PPM1L: variants seen among roughly 807,000 people sequenced by gnomAD.
The protein encoded by PPM1L is protein phosphatase, Mg2+/Mn2+ dependent 1L, also known as protein phosphatase 1L.
A neutral mutation model predicts 31.4 loss-of-function variants in PPM1L; 13 were observed. That is an observed-to-expected ratio of 0.41 (90% CI 0.27 to 0.66). The LOEUF (loss-of-function observed/expected upper bound fraction) is 0.66. PPM1L is among the 30% of genes least tolerant of loss of function. The probability of loss-of-function intolerance (pLI) is 0.29; values close to 1 mark genes in which losing one functional copy is unlikely to be tolerated. For missense variants in PPM1L, 326 were observed against 453.7 expected, an observed-to-expected ratio of 0.72 and a Z score of 2.56; for synonymous variants, 184 against 175.4, an observed-to-expected ratio of 1.05 and a Z score of -0.39.
At chr3:160,938,398 A>G (rs1240983649) in intron 1 of PPM1L, among the ~76,000 whole-genome samples, 1 of 152,196 alleles carries the variant, frequency 6.6e-6, no homozygotes, top group African/African-American at 2.4e-5. Flanking sequence ...CTTTAGGTTT[A>G]TGGAGTTTAA....
At chr3:160,786,103 T>G (rs1711908597) in intron 1 of PPM1L, among the ~76,000 whole-genome samples, 1 of 146,184 alleles carries the variant, frequency 6.8e-6, no homozygotes, top group Non-Finnish European at 1.5e-5. Flanking sequence ...TTTTTGCAAG[T>G]TGGATAAAGA....
At chr3:160,886,281 A>C (rs1712913802) in intron 1 of PPM1L, among the ~76,000 whole-genome samples, 1 of 152,192 alleles carries the variant, frequency 6.6e-6, no homozygotes, top group Non-Finnish European at 1.5e-5. Context: ...TCTTCCTGGC[A>C]GTTCTGAGGA....
intron 2 of PPM1L, among the ~76,000 whole-genome samples, chr3:160,991,890 A>G (rs553779164): frequency 6.6e-6 from 1 of 152,346 alleles, no homozygotes; most frequent in African/African-American, 2.4e-5. Context: ...AGGTAACATA[A>G]TAATAACTAA....
intron 1 of PPM1L, among the ~76,000 whole-genome samples, chr3:160,763,465 A>G (rs1715021701): frequency 6.6e-6 from 1 of 152,248 alleles, no homozygotes; most frequent in African/African-American, 2.4e-5. Flanking sequence ...AAGGTACTTG[A>G]ACCATTATGG....
Position 160,756,752 on chromosome 3 carries a change from CGTGT to C in PPM1L, c.399+80_399+83del, listed in dbSNP as rs113273287. On this transcript the variant is annotated intron_variant, in intron 1 of 3. Coordinates refer to ENST00000498165, the MANE Select transcript of PPM1L (RefSeq NM_139245.4). The surrounding 1 kb of genome is among the most constrained non-coding windows in gnomAD (Gnocchi z 6.2). ...TTTGTATTTGTGTCCGTGTATGTCT[CGTGT>C]GTGTGTGTGTGTGTGTGTGTGTGTG... 0.049 allele frequency: 49,134 copies of C among 1,010,588 alleles called. 432 individuals carry two copies. The highest frequency in any genetic ancestry group is 0.069 in the African/African-American group (3,832 of 55,440). The allele number at this position is 1,010,588 out of a possible 1,614,324, so 62.6% of individuals were successfully genotyped here. A position where few individuals can be genotyped will look rare whatever the true frequency, so the allele number is the denominator to read the frequency against.
intron 2 of PPM1L, among the ~76,000 whole-genome samples, chr3:161,057,271 C>A (rs369728596): frequency 6.6e-6 from 1 of 152,076 alleles, no homozygotes; most frequent in Non-Finnish European, 1.5e-5. Flanking sequence ...TTCCCTCCTC[C>A]GCCTCACCTA....
intron 1 of PPM1L, among the ~76,000 whole-genome samples, chr3:160,859,525 C>T (rs1711823782): frequency 6.6e-6 from 1 of 152,120 alleles, no homozygotes; most frequent in South Asian, 2.1e-4. Context: ...AGTAATTGTT[C>T]TACATTTTGA....
chr3:161,066,142 C>T (rs562669499), intron 3 of PPM1L, among the ~76,000 whole-genome samples: 20 of 152,324 alleles, frequency 1.3e-4, no homozygotes, highest in East Asian at 9.7e-4. Flanking sequence ...CCTGTCACCT[C>T]TTTGAAGACA....
At chr3:160,881,611 G>A (rs184679428) in intron 1 of PPM1L, among the ~76,000 whole-genome samples, 34 of 152,124 alleles carry the variant, frequency 2.2e-4, no homozygotes, top group Non-Finnish European at 3.5e-4. Context: ...CAGAATTTCC[G>A]TCTGCTTTTG....
chr3:161,069,386 C>A lies in PPM1L; in HGVS notation c.*229C>A. On this transcript the variant is annotated 3_prime_UTR_variant, in exon 4 of 4. Transcript: ENST00000498165. ...CTTCATGTTTTCCCAACTCTTTCAT[C>A]CAGTGTCCAAAATATATAAGTAAAT... is the stretch of plus-strand genomic sequence containing the variant. 1 of 547,368 alleles carries A rather than the reference C, an allele frequency of 1.8e-6. No homozygotes were observed. Among genetic ancestry groups the A allele is most frequent in the South Asian group, 2.3e-5 (1 of 42,578 alleles). The allele number at this position is 547,368 out of a possible 1,614,324, so 33.9% of individuals were successfully genotyped here. A position where few individuals can be genotyped will look rare whatever the true frequency, so the allele number is the denominator to read the frequency against.
chr3:160,789,619 A>G (rs962465079), intron 1 of PPM1L, among the ~76,000 whole-genome samples: 1 of 152,062 alleles, frequency 6.6e-6, no homozygotes, highest in East Asian at 1.9e-4. Context: ...TTAAGGAACT[A>G]TATGTACTTT....
At chr3:161,043,224 G>T (rs924610688) in intron 2 of PPM1L, among the ~76,000 whole-genome samples, 3 of 151,980 alleles carry the variant, frequency 2.0e-5, no homozygotes, top group Non-Finnish European at 4.4e-5. Flanking sequence ...GGTCCTGGGA[G>T]GAGGGTTTAG....
At chr3:160,788,206 G>A (rs545982736) in intron 1 of PPM1L, among the ~76,000 whole-genome samples, 18 of 152,226 alleles carry the variant, frequency 1.2e-4, no homozygotes, top group African/African-American at 4.1e-4. Context: ...GCTTTGGGCA[G>A]TATGACCATT....
intron 1 of PPM1L, among the ~76,000 whole-genome samples, chr3:160,871,670 G>T (rs1299075331): frequency 6.6e-6 from 1 of 152,178 alleles, no homozygotes; most frequent in East Asian, 1.9e-4. Flanking sequence ...GTTATTTCCA[G>T]TTCTAAGATT....
At chr3:160,952,487 G>A (rs1244846649) in intron 1 of PPM1L, among the ~76,000 whole-genome samples, 1 of 152,170 alleles carries the variant, frequency 6.6e-6, no homozygotes, top group Non-Finnish European at 1.5e-5. Context: ...TGAATACCTT[G>A]TGATCATCCC....
At chr3:160,882,435 TAAAAAGCAGAA>T (rs1560137308) in intron 1 of PPM1L, 3 of 152,204 alleles carry the variant, frequency 2.0e-5, no homozygotes, top group African/African-American at 7.2e-5. Flanking sequence ...TAAACTGTAA[TAAAAAGCAGAA>T]CTTTTACTTT....
chr3:160,985,907 A>T (rs1716946985), intron 2 of PPM1L, among the ~76,000 whole-genome samples: 3 of 151,914 alleles, frequency 2.0e-5, no homozygotes, highest in Admixed American at 2.0e-4. Flanking sequence ...GGGATGATTA[A>T]TGTATGATTT....
chr3:160,951,846 T>C (rs1304648695), intron 1 of PPM1L, among the ~76,000 whole-genome samples: 1 of 152,240 alleles, frequency 6.6e-6, no homozygotes, highest in African/African-American at 2.4e-5. Flanking sequence ...CTGAGTGTTA[T>C]GCCCTCTGTG....
intron 2 of PPM1L, among the ~76,000 whole-genome samples, chr3:160,973,764 G>GTTTTTTTTTTTTTTTTTTTTTTTTTTTTT (rs75599237): frequency 1.1e-5 from 1 of 88,450 alleles, no homozygotes; most frequent in Non-Finnish European, 2.6e-5. Flanking sequence ...GAAAGGCCCT[G>GTTTTTTTTTTTTTTTTTTTTTTTTTTTTT]TTTTTTTTTT....
Sources: gnomAD v4.1 joint callset for allele counts (sites outside exome capture counted in the v4.1 genomes callset) on GRCh38, gnomAD v4.1.1 for gene constraint, Gnocchi (gnomAD v3.1) non-coding constraint, MANE v1.5 for transcripts, NCBI Gene and HGNC (gene_info 2026-07-23, HGNC 2026-07-21) for gene names.